The following MARK4 variants were observed in gnomAD, a reference collection of about 807,000 sequenced individuals.
MARK4 encodes the protein MAP/microtubule affinity-regulating kinase 4.
A neutral mutation model predicts 81.5 loss-of-function variants in MARK4; 19 were observed. The observed-to-expected ratio is 0.23, with a 90% CI of 0.16 to 0.34. MARK4 has a LOEUF of 0.34. Among genes scored for constraint, MARK4 ranks in the 10% least tolerant of loss-of-function variants. The pLI is 1.00. For missense variants in MARK4, 772 were observed against 1,058.8 expected (o/e 0.73, Z 3.76); for synonymous variants, 436 against 439.0 (o/e 0.99, Z 0.08).
intron 15 of MARK4, among the ~76,000 whole-genome samples, chr19:45,298,959 C>A (rs1453469218): frequency 6.6e-6 from 1 of 150,928 alleles, no homozygotes; most frequent in Non-Finnish European, 1.5e-5. Context: ...ACCTGTATTC[C>A]CATGGAATTG....
In MARK4 at chr19:45,303,829, A is replaced by G. The variant is rs1971013502; in HGVS notation, c.*1119A>G. 6.6e-6 allele frequency: 1 copy of G among 152,312 alleles called. No homozygotes were observed. Among genetic ancestry groups the G allele is most frequent in the Non-Finnish European group, 1.5e-5 (1 of 68,032 alleles). 9.4% of individuals were successfully genotyped at this position (152,312 alleles called of 1,614,324 possible). A position where few individuals can be genotyped will look rare whatever the true frequency, so the allele number is the denominator to read the frequency against. ...GGGCAGGGTGGGGTCATTGGGGAAG[A>G]TGCTCTAGAGGAATTAATGCTGGAA... On this transcript the variant is annotated 3_prime_UTR_variant, in exon 17 of 17. Transcript: ENST00000262891.
intron 15 of MARK4, among the ~76,000 whole-genome samples, chr19:45,299,521 C>T (rs977326314): frequency 6.6e-6 from 1 of 151,792 alleles, no homozygotes; most frequent in African/African-American, 2.4e-5. Context: ...GCGTGTGTCT[C>T]TCTCTTTCTC....
intron 15 of MARK4, chr19:45,298,247 T>G: frequency 6.2e-7 from 1 of 1,611,810 alleles, no homozygotes; most frequent in East Asian, 2.2e-5. Context: ...TGCCCTGTTC[T>G]CGCTGGCTCT....
Position 45,264,827 on chromosome 19 carries a change from C to T in MARK4, c.422-13C>T, listed in dbSNP as rs780639619. 1.2e-6 allele frequency: 2 copies of T among 1,614,002 alleles called. No homozygotes were observed. Among genetic ancestry groups the T allele is most frequent in the African/African-American group, 1.3e-5 (1 of 74,932 alleles). ...GCACCTGACCCTGACCCCGCTCGGC[C>T]TCTGCCCTGCAGGAGAAGTGTTTGA... On this transcript the variant is annotated splice_polypyrimidine_tract_variant and intron_variant, in intron 5 of 16. Coordinates refer to ENST00000262891, the MANE Select transcript of MARK4 (RefSeq NM_001199867.2).
intron 8 of MARK4, among the ~76,000 whole-genome samples, chr19:45,273,755 T>G (rs1294473404): frequency 6.6e-6 from 1 of 152,216 alleles, no homozygotes; most frequent in Admixed American, 6.5e-5. Flanking sequence ...GGACGCTCTG[T>G]CCTGCTCTGC....
chr19:45,255,102 T>TGA (rs1424438892), intron 1 of MARK4, among the ~76,000 whole-genome samples: 2 of 151,822 alleles, frequency 1.3e-5, no homozygotes, highest in Admixed American at 1.3e-4. Flanking sequence ...CTCAGGAGCC[T>TGA]GAGATGGGAG....
At position 45,303,498 on chromosome 19, in the gene MARK4, G is replaced by C. The variant is rs1053225240; in HGVS notation, c.*788G>C. ...TCTCATCTGCAGAATGGGAGCGGTG[G>C]GGGTGGGAAGGTAAGGATGGTCGTG... On this transcript the variant is annotated 3_prime_UTR_variant, in exon 17 of 17. Coordinates refer to ENST00000262891, the MANE Select transcript of MARK4 (RefSeq NM_001199867.2). The C allele has an allele frequency of 1.3e-5, 2 of 152,140 alleles. No individual in the cohort carries two copies. Among genetic ancestry groups the C allele is most frequent in the African/African-American group, 4.8e-5 (2 of 41,408 alleles). 9.4% of individuals were successfully genotyped at this position (152,140 alleles called of 1,614,324 possible).
intron 13 of MARK4, among the ~76,000 whole-genome samples, chr19:45,294,144 G>C (rs756013875): frequency 1.3e-5 from 2 of 152,092 alleles, no homozygotes; most frequent in Admixed American, 1.3e-4. Flanking sequence ...CGGTCTCCAG[G>C]GGTCTCCCCT....
intron 6 of MARK4, among the ~76,000 whole-genome samples, chr19:45,265,940 G>A (rs1271681296): frequency 1.3e-5 from 2 of 152,018 alleles, no homozygotes; most frequent in African/African-American, 4.8e-5. Context: ...CTATCTACAG[G>A]TATGGGATAT....
chr19:45,281,058 G>A (rs901920161), intron 12 of MARK4, among the ~76,000 whole-genome samples: 7 of 151,154 alleles, frequency 4.6e-5, no homozygotes, highest in Admixed American at 1.3e-4. Flanking sequence ...CCAGCTCCCC[G>A]ATTTTTTTTT....
At chr19:45,278,073 C>T (rs370273337) in intron 9 of MARK4, 31 bp downstream of exon 9, 2 of 1,610,620 alleles carry the variant, frequency 1.2e-6, no homozygotes, top group African/African-American at 2.7e-5. Flanking sequence ...AGCGGGAGCC[C>T]TTCTAGTCTC....
chr19:45,277,572 T>C (rs940382136), intron 8 of MARK4, among the ~76,000 whole-genome samples: 3 of 151,906 alleles, frequency 2.0e-5, no homozygotes, highest in Non-Finnish European at 2.9e-5. Flanking sequence ...GGTCATTTTT[T>C]ATTTTTTGTA....
chr19:45,285,800 T>G (rs1169106620), intron 12 of MARK4, among the ~76,000 whole-genome samples: 1 of 152,186 alleles, frequency 6.6e-6, no homozygotes, highest in Non-Finnish European at 1.5e-5. Flanking sequence ...CATGTATCGC[T>G]CCTGAGGATG....
intron 1 of MARK4, among the ~76,000 whole-genome samples, chr19:45,251,880 T>G (rs1970246786): frequency 6.6e-6 from 1 of 151,688 alleles, no homozygotes; most frequent in Non-Finnish European, 1.5e-5. Context: ...GCAGACCGCT[T>G]CCGCTCGGGT....
chr19:45,284,539 G>A (rs1425053088), intron 12 of MARK4, among the ~76,000 whole-genome samples: 1 of 152,018 alleles, frequency 6.6e-6, no homozygotes, highest in Non-Finnish European at 1.5e-5. Flanking sequence ...AGCCAGGATG[G>A]TCTTGATCGC....
chr19:45,272,765 G>A (rs1230829081), intron 8 of MARK4, among the ~76,000 whole-genome samples: 1 of 152,074 alleles, frequency 6.6e-6, no homozygotes, highest in East Asian at 1.9e-4. Context: ...GCAGGCACCT[G>A]TAATCCCAGC....
intron 12 of MARK4, among the ~76,000 whole-genome samples, chr19:45,283,132 G>C (rs1477696294): frequency 6.6e-6 from 1 of 151,938 alleles, no homozygotes; most frequent in African/African-American, 2.4e-5. Flanking sequence ...CTTCCAGGCA[G>C]GGCATGGTGG....
intron 8 of MARK4, among the ~76,000 whole-genome samples, chr19:45,273,456 G>T (rs1970557966): frequency 6.6e-6 from 1 of 152,106 alleles, no homozygotes; most frequent in Non-Finnish European, 1.5e-5. Context: ...TGGCCTCTAC[G>T]CCATGGCCCA....
intron 13 of MARK4, among the ~76,000 whole-genome samples, chr19:45,293,581 G>A (rs1970846142): frequency 6.6e-6 from 1 of 152,176 alleles, no homozygotes; most frequent in African/African-American, 2.4e-5. Context: ...AAAATTTTTG[G>A]CTTGGATGAC....
Sources: gnomAD v4.1 joint callset for allele counts (sites outside exome capture counted in the v4.1 genomes callset) on GRCh38, gnomAD v4.1.1 for gene constraint, MANE v1.5 for transcripts, NCBI Gene and HGNC (gene_info 2026-07-23, HGNC 2026-07-21) for gene names.